Variants in RASSF6 observed in about 807,000 individuals in gnomAD.
RASSF6 encodes the protein Ras association domain family member 6, also known as ras association domain-containing protein 6.
A neutral mutation model predicts 44.0 loss-of-function variants in RASSF6; 52 were observed. The ratio of observed to expected loss-of-function variants is 1.18; its 90% CI spans 0.95 to 1.49. RASSF6 has a LOEUF of 1.49. Ranked by LOEUF, RASSF6 falls within the 40% of genes most tolerant of loss-of-function variation. RASSF6 has a pLI of 0.00. For synonymous variants in RASSF6, 162 were observed against 124.6 expected, an observed-to-expected ratio of 1.30 and a Z score of -2.00; for missense variants, 464 against 393.3, an observed-to-expected ratio of 1.18 and a Z score of -1.52.
intron 3 of RASSF6, among the ~76,000 whole-genome samples, chr4:73,595,570 T>C (rs1724878899): frequency 6.6e-6 from 1 of 152,182 alleles, no homozygotes; most frequent in South Asian, 2.1e-4. Context: ...ACTTAAATGT[T>C]CATAACACAA....
intron 8 of RASSF6, among the ~76,000 whole-genome samples, chr4:73,577,240 T>A (rs985094439): frequency 1.3e-5 from 2 of 152,178 alleles, no homozygotes; most frequent in African/African-American, 4.8e-5. Flanking sequence ...TTCTTATTAT[T>A]CATTCATCTG....
At chr4:73,620,451 T>A (rs1253196248), upstream of RASSF6, 2 of 1,546,956 alleles carry the variant, frequency 1.3e-6, no homozygotes, top group South Asian at 2.4e-5. Context: ...GTAGGGGAGG[T>A]CCGAGGCCCG....
intron 3 of RASSF6, among the ~76,000 whole-genome samples, chr4:73,594,261 A>T (rs17192413): frequency 0.19 from 29,196 of 152,260 alleles, 3,570 homozygotes; most frequent in Admixed American, 0.35. Context: ...TGTTAAAGTA[A>T]TGTTTTCTGT....
intron 2 of RASSF6, chr4:73,604,317 T>G (rs1725480212): frequency 6.6e-6 from 1 of 151,750 alleles, no homozygotes; most frequent in Non-Finnish European, 1.5e-5. Flanking sequence ...TACTAAAAAA[T>G]AGAAAAAAAT....
At chr4:73,590,653 C>T (rs1216886684) in intron 4 of RASSF6, among the ~76,000 whole-genome samples, 2 of 152,166 alleles carry the variant, frequency 1.3e-5, no homozygotes, top group African/African-American at 4.8e-5. Flanking sequence ...TTGTGCTGTG[C>T]CTTCCTGCCT....
chr4:73,588,651 T>C (rs957414430), intron 4 of RASSF6, among the ~76,000 whole-genome samples: 2 of 152,020 alleles, frequency 1.3e-5, no homozygotes, highest in Admixed American at 6.6e-5. Flanking sequence ...AAAATGATAA[T>C]AGCATGAGGT....
Position 73,575,428 on chromosome 4 carries a change from A to G in RASSF6, c.*807T>C, listed in dbSNP as rs1723146319. ...CAGCTACAACAGCCTTGCTTTATCC[A>G]TTGTATTCATTCAGCAACAAATAGG... On this transcript the variant is annotated 3_prime_UTR_variant, in exon 11 of 11. Transcript: ENST00000307439. 6.6e-6 allele frequency: 1 copy of G among 152,110 alleles called. No homozygotes were observed. Among genetic ancestry groups the G allele is most frequent in the Non-Finnish European group, 1.5e-5 (1 of 68,018 alleles). The allele number at this position is 152,110 out of a possible 1,614,324, so 9.4% of individuals were successfully genotyped here. A position where few individuals can be genotyped will look rare whatever the true frequency, so the allele number is the denominator to read the frequency against.
intron 4 of RASSF6, among the ~76,000 whole-genome samples, chr4:73,589,774 T>C (rs768677347): frequency 6.6e-6 from 1 of 152,154 alleles, no homozygotes; most frequent in Admixed American, 6.5e-5. Flanking sequence ...ATGGGACTTC[T>C]GTTGCTCTGA....
intron 4 of RASSF6, among the ~76,000 whole-genome samples, chr4:73,589,448 G>T (rs191873049): frequency 6.6e-6 from 1 of 151,858 alleles, no homozygotes; most frequent in Non-Finnish European, 1.5e-5. Context: ...GTAACCTGAT[G>T]CTATGTCATA....
chr4:73,610,214 A>G (rs1725913178), intron 2 of RASSF6, among the ~76,000 whole-genome samples: 1 of 152,166 alleles, frequency 6.6e-6, no homozygotes, highest in Non-Finnish European at 1.5e-5. Flanking sequence ...ACCCATGTCT[A>G]ACCCTTCTGG....
At chr4:73,605,873 T>C (rs1725586446) in intron 2 of RASSF6, among the ~76,000 whole-genome samples, 1 of 152,224 alleles carries the variant, frequency 6.6e-6, no homozygotes, top group Admixed American at 6.5e-5. Flanking sequence ...TGATTAGTGA[T>C]GATGAGCATT....
intron 2 of RASSF6, among the ~76,000 whole-genome samples, chr4:73,609,609 AT>A (rs1725871540): frequency 6.6e-6 from 1 of 152,202 alleles, no homozygotes; most frequent in South Asian, 2.1e-4. Context: ...ATTAATTTCC[AT>A]TCTTTTCATG....
At chr4:73,607,253 T>C (rs928378802) in intron 2 of RASSF6, among the ~76,000 whole-genome samples, 4 of 152,224 alleles carry the variant, frequency 2.6e-5, no homozygotes, top group Non-Finnish European at 5.9e-5. Flanking sequence ...CACACCGTTA[T>C]GGCAGGTTAA....
At position 73,606,639 on chromosome 4, in the gene RASSF6, GTTTTT is replaced by G. The variant is rs11284857; in HGVS notation, c.65+5087_65+5091del. On this transcript the variant is annotated intron_variant, in intron 2 of 10. Transcript: ENST00000307439. ...CTGTTTTTCTGAGACAAGCCTTATA[GTTTTT>G]TTTTTTTTTTTAAAGCCAGTTGAAA... Among the ~76,000 whole-genome samples, 120 of 149,170 alleles carry G rather than the reference GTTTTT, an allele frequency of 8.0e-4. 2 individuals carry two copies. The South Asian group carries it at 0.014, about 18-fold the overall frequency.
rs751676036 is a variant in RASSF6, at chr4:73,611,854, A to T, written c.-34-25T>A. The stretch of plus-strand genomic sequence containing the variant: ...CCTAAACATGAGAATAATATTAATG[A>T]TTTGTTCCTATAATGCATTAAAAAA... On this transcript the variant is annotated intron_variant, in intron 1 of 10. Coordinates refer to ENST00000307439, the MANE Select transcript of RASSF6 (RefSeq NM_177532.5). 1.3e-5 allele frequency: 18 copies of T among 1,426,970 alleles called. No individual in the cohort carries two copies. The East Asian group carries it at 4.1e-4, about 33-fold the overall frequency. The allele number at this position is 1,426,970 out of a possible 1,614,324, so 88.4% of individuals were successfully genotyped here.
At chr4:73,594,466 G>C (rs1296426062) in intron 3 of RASSF6, among the ~76,000 whole-genome samples, 1 of 152,170 alleles carries the variant, frequency 6.6e-6, no homozygotes, top group Non-Finnish European at 1.5e-5. Context: ...CTCAAACCCT[G>C]GCTCTGCCAC....
chr4:73,592,843 A>G (rs1441039195), intron 4 of RASSF6, among the ~76,000 whole-genome samples: 1 of 152,186 alleles, frequency 6.6e-6, no homozygotes, highest in Non-Finnish European at 1.5e-5. Flanking sequence ...CCAATGAAGG[A>G]ATGCAGTCTC....
chr4:73,616,744 A>G (rs944336778), intron 1 of RASSF6, among the ~76,000 whole-genome samples: 4 of 152,236 alleles, frequency 2.6e-5, no homozygotes, highest in African/African-American at 9.6e-5. Context: ...ATTATGAGAT[A>G]AGAGTATGTT....
chr4:73,614,287 C>T (rs149905971), intron 1 of RASSF6, among the ~76,000 whole-genome samples: 1 of 152,308 alleles, frequency 6.6e-6, no homozygotes, highest in East Asian at 1.9e-4. Context: ...CTGTTGTGGT[C>T]TGAATGTTTG....
Sources: gnomAD v4.1 joint callset for allele counts (sites outside exome capture counted in the v4.1 genomes callset) on GRCh38, gnomAD v4.1.1 for gene constraint, MANE v1.5 for transcripts, NCBI Gene and HGNC (gene_info 2026-07-23, HGNC 2026-07-21) for gene names.